AKR1E2: variants seen among roughly 807,000 people sequenced by gnomAD.
AKR1E2 encodes 1,5-anhydro-D-fructose reductase.
Under a neutral mutation model 41.9 loss-of-function variants are expected in AKR1E2, and 43 were observed. The ratio of observed to expected loss-of-function variants is 1.03; its 90% CI spans 0.80 to 1.32. AKR1E2 has a LOEUF of 1.32. Ranked by LOEUF, AKR1E2 falls within the 40% of genes most tolerant of loss-of-function variation. The pLI, the probability that AKR1E2 is intolerant of heterozygous loss-of-function variation, is 0.00. For synonymous variants in AKR1E2, 121 were observed against 138.9 expected, an observed-to-expected ratio of 0.87 and a Z score of 0.91; for missense variants, 423 against 396.5, an observed-to-expected ratio of 1.07 and a Z score of -0.57.
downstream of AKR1E2, among the ~76,000 whole-genome samples, chr10:4,850,316 T>C (rs1010148544): frequency 6.6e-6 from 1 of 152,224 alleles, no homozygotes; most frequent in Non-Finnish European, 1.5e-5. Flanking sequence ...TTTCAGTAGC[T>C]GCTTCTCCTC....
At chr10:4,836,192 A>G (rs1050784486) in intron 4 of AKR1E2, among the ~76,000 whole-genome samples, 5 of 152,162 alleles carry the variant, frequency 3.3e-5, no homozygotes, top group African/African-American at 1.2e-4. Context: ...TTAATGTTTT[A>G]TAGTTCCTTT....
chr10:4,826,969 A>G (rs889355103), intron 1 of AKR1E2, among the ~76,000 whole-genome samples: 2 of 151,202 alleles, frequency 1.3e-5, no homozygotes, highest in South Asian at 2.1e-4. Context: ...CCAGCTACTC[A>G]GGAGGCTGAG....
intron 5 of AKR1E2, among the ~76,000 whole-genome samples, chr10:4,838,272 G>A (rs1260003473): frequency 5.3e-5 from 8 of 152,176 alleles, no homozygotes; most frequent in South Asian, 2.1e-4. Flanking sequence ...TGGGATTCAC[G>A]TCTGAACTTT....
chr10:4,841,665 T>C, intron 6 of AKR1E2, 120 bp from the exon 7 acceptor site: 1 of 696,006 alleles, frequency 1.4e-6, no homozygotes, highest in Non-Finnish European at 2.2e-6. Context: ...TTTCCTGTAG[T>C]CGGCATGTGT....
chr10:4,851,189 G>A (rs1362524266), downstream of AKR1E2, among the ~76,000 whole-genome samples: 1 of 152,242 alleles, frequency 6.6e-6, no homozygotes, highest in Non-Finnish European at 1.5e-5. Context: ...TCAAGACCCT[G>A]TGTCTTCATT....
chr10:4,863,121 C>G, the AKR1E2 span, among the ~76,000 whole-genome samples: 1 of 152,212 alleles, frequency 6.6e-6, no homozygotes, highest in Non-Finnish European at 1.5e-5. Flanking sequence ...TAATAGACAT[C>G]TACAGAACTC....
At chr10:4,826,144 G>A, upstream of AKR1E2, 1 of 447,380 alleles carries the variant, frequency 2.2e-6, no homozygotes, top group Non-Finnish European at 3.7e-6. Flanking sequence ...CCCGGCGCGC[G>A]ACACCAGCAG....
chr10:4,867,223 A>G, the AKR1E2 span, among the ~76,000 whole-genome samples: 4 of 152,346 alleles, frequency 2.6e-5, no homozygotes, highest in Non-Finnish European at 4.4e-5. Flanking sequence ...TCACTGTCTC[A>G]GTCATAATTT....
At chr10:4,849,545 T>C (rs530750041), downstream of AKR1E2, among the ~76,000 whole-genome samples, 2 of 152,366 alleles carry the variant, frequency 1.3e-5, no homozygotes, top group South Asian at 4.1e-4. Context: ...TTGTCACTTA[T>C]ACTTAAACCA....
chr10:4,870,719 G>A, the AKR1E2 span, among the ~76,000 whole-genome samples: 1 of 150,036 alleles, frequency 6.7e-6, no homozygotes, highest in Non-Finnish European at 1.5e-5. Flanking sequence ...TTTTCTTTTA[G>A]TTTTCATGCA....
At chr10:4,833,541 G>C (rs1348929845) in intron 3 of AKR1E2, 75 bp downstream of exon 3, 20 of 1,269,310 alleles carry the variant, frequency 1.6e-5, no homozygotes, top group Non-Finnish European at 2.2e-5. Context: ...TCTTGCGGTG[G>C]GGAGAGCATG....
chr10:4,828,700 G>A (rs945753409), intron 1 of AKR1E2, among the ~76,000 whole-genome samples: 2 of 152,098 alleles, frequency 1.3e-5, no homozygotes, highest in African/African-American at 4.8e-5. Context: ...TACAAGCATG[G>A]TATTCTTCTC....
At chr10:4,844,310 C>A (rs181419595) in intron 8 of AKR1E2, among the ~76,000 whole-genome samples, 2 of 152,118 alleles carry the variant, frequency 1.3e-5, no homozygotes, top group South Asian at 2.1e-4. Context: ...GTCTTATTGG[C>A]TTCAGGAGTG....
intron 3 of AKR1E2, among the ~76,000 whole-genome samples, chr10:4,833,676 C>T (rs1833165049): frequency 6.6e-6 from 1 of 152,160 alleles, no homozygotes; most frequent in South Asian, 2.1e-4. Flanking sequence ...TCTGAGGCCC[C>T]CACAGGTCTG....
At chr10:4,847,399 G>A in intron 9 of AKR1E2, 89 bp from the exon 10 acceptor site, 1 of 1,530,300 alleles carries the variant, frequency 6.5e-7, no homozygotes, top group Non-Finnish European at 9.0e-7. Context: ...ATGCACTGGG[G>A]AGTTTAAAAG....
At chr10:4,830,597 A>C (rs1013651873) in intron 1 of AKR1E2, 78 bp from the exon 2 acceptor site, 4 of 1,545,044 alleles carry the variant, frequency 2.6e-6, no homozygotes, top group Non-Finnish European at 3.6e-6. Context: ...TATGTTGTCC[A>C]CATGCTTGGG....
chr10:4,825,347 A>T (rs1427831424), upstream of AKR1E2, among the ~76,000 whole-genome samples: 1 of 152,164 alleles, frequency 6.6e-6, no homozygotes, highest in Non-Finnish European at 1.5e-5. Flanking sequence ...GGGGCAATGA[A>T]GGGGGAGCTG....
chr10:4,843,985 C>G (rs1003498876), intron 8 of AKR1E2, among the ~76,000 whole-genome samples: 7 of 152,188 alleles, frequency 4.6e-5, no homozygotes, highest in Non-Finnish European at 1.0e-4. Context: ...GACTGCAGGT[C>G]TCTTGTAGTG....
intron 3 of AKR1E2, among the ~76,000 whole-genome samples, chr10:4,835,214 T>C (rs1359537960): frequency 6.6e-6 from 1 of 152,236 alleles, no homozygotes; most frequent in East Asian, 1.9e-4. Flanking sequence ...CTCTGCCCTC[T>C]ACCTCCTGTG....
Sources: allele counts gnomAD v4.1 joint callset (sites outside exome capture counted in the v4.1 genomes callset), GRCh38; gene constraint gnomAD v4.1.1; transcripts MANE v1.5; gene names NCBI Gene and HGNC (gene_info 2026-07-23, HGNC 2026-07-21).